The following JAZF1 variants were observed in gnomAD, a reference collection of about 807,000 sequenced individuals.
JAZF1 encodes juxtaposed with another zinc finger protein 1.
Under a neutral mutation model 26.4 loss-of-function variants are expected in JAZF1, and 8 were observed. The observed-to-expected ratio is 0.30, with a 90% CI of 0.18 to 0.55. JAZF1 has a LOEUF of 0.55. Among genes scored for constraint, JAZF1 ranks in the 20% least tolerant of loss-of-function variants. The pLI, the probability that JAZF1 is intolerant of heterozygous loss-of-function variation, is 0.94. For missense variants in JAZF1, 199 were observed against 322.0 expected, an observed-to-expected ratio of 0.62 and a Z score of 2.92; for synonymous variants, 126 against 122.3, an observed-to-expected ratio of 1.03 and a Z score of -0.20.
intron 1 of JAZF1, among the ~76,000 whole-genome samples, chr7:28,016,081 G>T (rs920906868): frequency 1.3e-5 from 2 of 152,186 alleles, no homozygotes; most frequent in African/African-American, 4.8e-5. Flanking sequence ...CCGCAGGAGT[G>T]AACTGCATGC....
At chr7:28,062,316 TAGAGGGCGC>T (rs1291714192) in intron 1 of JAZF1, among the ~76,000 whole-genome samples, 2 of 152,086 alleles carry the variant, frequency 1.3e-5, no homozygotes, top group Non-Finnish European at 2.9e-5. Context: ...GCCTTGTCAG[TAGAGGGCGC>T]CGCAGGGACA....
chr7:27,929,095 A>G (rs568634153), intron 2 of JAZF1, among the ~76,000 whole-genome samples: 1 of 152,368 alleles, frequency 6.6e-6, no homozygotes, highest in South Asian at 2.1e-4. Context: ...AACTGAAAGT[A>G]TTCTAAGCAA....
At chr7:28,093,444 T>G (rs1784334203) in intron 1 of JAZF1, among the ~76,000 whole-genome samples, 1 of 152,218 alleles carries the variant, frequency 6.6e-6, no homozygotes. Flanking sequence ...CTTTATAAAT[T>G]ACCCAGTCTT....
At chr7:27,982,384 G>T (rs1282969801) in intron 2 of JAZF1, among the ~76,000 whole-genome samples, 2 of 152,068 alleles carry the variant, frequency 1.3e-5, no homozygotes, top group Non-Finnish European at 2.9e-5. Context: ...GAACAGCAAG[G>T]CGGCAGCGAG....
chr7:27,942,524 A>G (rs1172541214), intron 2 of JAZF1, among the ~76,000 whole-genome samples: 1 of 152,226 alleles, frequency 6.6e-6, no homozygotes, highest in African/African-American at 2.4e-5. Context: ...TAATCCACAC[A>G]GCATCCCTAT....
intron 1 of JAZF1, among the ~76,000 whole-genome samples, chr7:28,106,295 A>G (rs1784552525): frequency 6.6e-6 from 1 of 151,998 alleles, no homozygotes; most frequent in Non-Finnish European, 1.5e-5. Context: ...TGGGGTTGAT[A>G]TTTTCATCAC....
At chr7:27,896,686 G>A (rs1053345843) in intron 2 of JAZF1, among the ~76,000 whole-genome samples, 1 of 152,280 alleles carries the variant, frequency 6.6e-6, no homozygotes, top group South Asian at 2.1e-4. Flanking sequence ...AATACCTGGC[G>A]AAAGCTTGAA....
intron 1 of JAZF1, among the ~76,000 whole-genome samples, chr7:28,068,776 C>T (rs984278334): frequency 5.1e-4 from 77 of 152,264 alleles, no homozygotes; most frequent in African/African-American, 1.7e-3. Context: ...ACACTGTTGG[C>T]CACTTTGTTT....
intron 1 of JAZF1, among the ~76,000 whole-genome samples, chr7:28,109,048 G>A (rs1784598806): frequency 6.6e-6 from 1 of 152,222 alleles, no homozygotes; most frequent in Admixed American, 6.5e-5. Context: ...GCCAGGGGCT[G>A]GGGGTGGATG....
chr7:28,104,756 C>T (rs10254185), intron 1 of JAZF1, among the ~76,000 whole-genome samples: 8,250 of 152,244 alleles, frequency 0.054, 718 homozygotes, highest in African/African-American at 0.18. Flanking sequence ...TCCAACCCTA[C>T]AAATAATTAT....
chr7:28,177,588 G>C (rs557221344), intron 1 of JAZF1, among the ~76,000 whole-genome samples: 1 of 152,236 alleles, frequency 6.6e-6, no homozygotes, highest in East Asian at 1.9e-4. Flanking sequence ...GCTCACCTAA[G>C]CATATCTCTA....
At chr7:28,023,904 C>T (rs1309891714) in intron 1 of JAZF1, among the ~76,000 whole-genome samples, 4 of 152,108 alleles carry the variant, frequency 2.6e-5, no homozygotes, top group African/African-American at 9.7e-5. Context: ...ACTATATTAA[C>T]CTACACTTGG....
intron 1 of JAZF1, among the ~76,000 whole-genome samples, chr7:28,179,877 G>A (rs1389578896): frequency 6.8e-6 from 1 of 147,068 alleles, no homozygotes; most frequent in Non-Finnish European, 1.5e-5. Context: ...GGCGGCGGGA[G>A]GAGGAAGCGG....
At chr7:28,000,714 G>A (rs938999393) in intron 1 of JAZF1, among the ~76,000 whole-genome samples, 11 of 146,556 alleles carry the variant, frequency 7.5e-5, no homozygotes, top group South Asian at 2.1e-4. Flanking sequence ...TGCCTCCCAC[G>A]TTCAATCGAT....
intron 2 of JAZF1, among the ~76,000 whole-genome samples, chr7:27,985,803 T>G (rs573471165): frequency 5.9e-5 from 9 of 152,130 alleles, no homozygotes; most frequent in African/African-American, 1.7e-4. Context: ...TTCAACATAC[T>G]CAAATCAATA....
intron 2 of JAZF1, among the ~76,000 whole-genome samples, chr7:27,926,100 A>C (rs1784598132): frequency 6.6e-6 from 1 of 152,208 alleles, no homozygotes; most frequent in African/African-American, 2.4e-5. Flanking sequence ...AGGACATCTT[A>C]AGGACAGGCT....
At chr7:28,050,908 C>T (rs1320879255) in intron 1 of JAZF1, among the ~76,000 whole-genome samples, 4 of 151,828 alleles carry the variant, frequency 2.6e-5, no homozygotes, top group Non-Finnish European at 4.4e-5. Flanking sequence ...CCGAGGCGGG[C>T]GGATCACAAG....
At chr7:28,005,529 G>C (rs1782685901) in intron 1 of JAZF1, among the ~76,000 whole-genome samples, 1 of 152,138 alleles carries the variant, frequency 6.6e-6, no homozygotes, top group South Asian at 2.1e-4. Context: ...AGCTTACTCA[G>C]GTCAAATTCT....
rs567294489 is a variant in JAZF1 at position 28,144,432 on chromosome 7, A to G, written c.115+36031T>C. Among the ~76,000 whole-genome samples the G allele has an allele frequency of 1.3e-4, 20 of 152,192 alleles. 1 individual carries two copies. The highest frequency in any genetic ancestry group is 2.6e-4 in the Admixed American group (4 of 15,282). On this transcript the variant is annotated intron_variant, in intron 1 of 4. Coordinates refer to ENST00000283928, the MANE Select transcript of JAZF1 (RefSeq NM_175061.4). ...TATACACTGCATTATTCAGTCATCA[A>G]TTTCCAAGGTCCTGAGAGGCAGACA...
Sources: gnomAD v4.1 joint callset for allele counts (sites outside exome capture counted in the v4.1 genomes callset) on GRCh38, gnomAD v4.1.1 for gene constraint, MANE v1.5 for transcripts, NCBI Gene and HGNC (gene_info 2026-07-23, HGNC 2026-07-21) for gene names.